MRPL45: variants seen among roughly 807,000 people sequenced by gnomAD.
The protein encoded by MRPL45 is mitochondrial ribosomal protein L45.
MRPL45 carries 20 observed loss-of-function variants against 38.1 expected under a neutral mutation model. The observed-to-expected ratio is 0.53, with a 90% CI of 0.37 to 0.76. The LOEUF (loss-of-function observed/expected upper bound fraction) is 0.76, where lower values mean the gene tolerates loss of function less well. Ranked by LOEUF, MRPL45 falls within the 30% of genes least tolerant of loss-of-function variation. The pLI, the probability that MRPL45 is intolerant of heterozygous loss-of-function variation, is 0.00. For missense variants in MRPL45, 337 were observed against 395.6 expected, an observed-to-expected ratio of 0.85 and a Z score of 1.26; for synonymous variants, 105 against 128.8, an observed-to-expected ratio of 0.82 and a Z score of 1.25.
chr17:38,306,351 G>A (rs2037053897), intron 3 of MRPL45, among the ~76,000 whole-genome samples, 182 bp from the exon 4 acceptor site: 1 of 151,362 alleles, frequency 6.6e-6, no homozygotes, highest in Non-Finnish European at 1.5e-5. Flanking sequence ...AGAGCTTGCA[G>A]TGAGCCGAGA....
In MRPL45 at chr17:38,322,639, C is replaced by CTGGA. The variant is rs2037243609; in HGVS notation, c.*45_*48dup. ...GGGTGAAGCCTGGGTGATGAGGCTGCTGGAAGCTTTGAAGTCTCCCATTCC... is the reference window on the plus strand; with the variant it reads ...GGGTGAAGCCTGGGTGATGAGGCTGCTGGATGGAAGCTTTGAAGTCTCCCATTCC... On this transcript the variant is annotated 3_prime_UTR_variant, in exon 8 of 8. Coordinates refer to ENST00000613675, the MANE Select transcript of MRPL45 (RefSeq NM_032351.6). The CTGGA allele has an allele frequency of 6.6e-7, 1 of 1,505,010 alleles. No homozygotes were observed. The highest frequency in any genetic ancestry group is 9.2e-7 in the Non-Finnish European group (1 of 1,089,894). 93.2% of individuals were successfully genotyped at this position (1,505,010 alleles called of 1,614,324 possible). A position where few individuals can be genotyped will look rare whatever the true frequency, so the allele number is the denominator to read the frequency against.
chr17:38,311,323 G>C (rs888543323), intron 4 of MRPL45, among the ~76,000 whole-genome samples: 1 of 152,082 alleles, frequency 6.6e-6, no homozygotes, highest in Non-Finnish European at 1.5e-5. Context: ...TATAGGCTGT[G>C]GGGGGCCCTC....
intron 4 of MRPL45, among the ~76,000 whole-genome samples, chr17:38,314,499 G>A (rs2037155481): frequency 6.6e-6 from 1 of 152,106 alleles, no homozygotes. Context: ...ACCATATCGA[G>A]TTTTTTCTTT....
chr17:38,300,085 C>T (rs1265938484), intron 3 of MRPL45, among the ~76,000 whole-genome samples: 2 of 151,596 alleles, frequency 1.3e-5, no homozygotes, highest in Non-Finnish European at 2.9e-5. Flanking sequence ...GAGTTTCACT[C>T]TTAACTCACT....
At chr17:38,322,045 A>G (rs2037234519) in intron 6 of MRPL45, 81 bp from the exon 7 acceptor site, 2 of 1,387,398 alleles carry the variant, frequency 1.4e-6, no homozygotes, top group Non-Finnish European at 2.0e-6. Context: ...AAAAAAAAAA[A>G]GGTTGTATGG....
rs968259269 is a variant in MRPL45 at position 38,299,335 on chromosome 17, T to C, written c.245-16T>C. On this transcript the variant is annotated splice_polypyrimidine_tract_variant and intron_variant, in intron 2 of 7. Transcript: ENST00000613675. ...TCTTTCAACACTTTCTTAATTTTTT[T>C]CTTCCTTTATTACAGCTGGTATATT... 6.0e-6 allele frequency: 9 copies of C among 1,504,766 alleles called. No homozygotes were observed. Among genetic ancestry groups the C allele is most frequent in the Non-Finnish European group, 8.1e-6 (9 of 1,110,680 alleles). The allele number at this position is 1,504,766 out of a possible 1,614,324, so 93.2% of individuals were successfully genotyped here. A position where few individuals can be genotyped will look rare whatever the true frequency, so the allele number is the denominator to read the frequency against.
At chr17:38,303,257 T>G (rs1456563971) in intron 3 of MRPL45, among the ~76,000 whole-genome samples, 4 of 151,894 alleles carry the variant, frequency 2.6e-5, no homozygotes, top group Non-Finnish European at 5.9e-5. Flanking sequence ...CTATGGGTTA[T>G]GTAATTTCCT....
intron 6 of MRPL45, 93 bp from the exon 7 acceptor site, chr17:38,322,031 CAA>C (rs747640334): frequency 0.01 from 10,455 of 1,037,580 alleles, no homozygotes; most frequent in South Asian, 0.015. Flanking sequence ...GACTCTGTCT[CAA>C]AAAAAAAAAA....
chr17:38,308,830 C>T (rs1218702494), intron 4 of MRPL45, among the ~76,000 whole-genome samples: 6 of 151,866 alleles, frequency 4.0e-5, no homozygotes, highest in South Asian at 2.1e-4. Context: ...CCCTCCTCAG[C>T]GTTACTGTTG....
intron 2 of MRPL45, 103 bp from the exon 3 acceptor site, chr17:38,299,248 C>G: frequency 1.4e-6 from 1 of 711,998 alleles, no homozygotes; most frequent in Non-Finnish European, 2.2e-6. Flanking sequence ...TTTCATTAGT[C>G]TACTTCATAT....
chr17:38,319,975 C>A (rs944454588), intron 5 of MRPL45, among the ~76,000 whole-genome samples: 1 of 152,110 alleles, frequency 6.6e-6, no homozygotes, highest in Admixed American at 6.6e-5. Context: ...TGGTGGCGGG[C>A]GCCAGTAGTC....
At chr17:38,298,785 T>C (rs1290237107) in intron 2 of MRPL45, among the ~76,000 whole-genome samples, 159 bp downstream of exon 2, 1 of 152,124 alleles carries the variant, frequency 6.6e-6, no homozygotes, top group African/African-American at 2.4e-5. Context: ...ATGAAGTTGT[T>C]CTTTGAACTT....
Position 38,300,776 on chromosome 17 carries a change from A to G in MRPL45, c.362+1308A>G, listed in dbSNP as rs142077628. 7.9e-3 allele frequency among the ~76,000 whole-genome samples: 1,198 copies of G among 152,122 alleles called. 17 individuals are homozygous for G. The highest frequency in any genetic ancestry group is 0.028 in the African/African-American group (1,142 of 41,498). On this transcript the variant is annotated intron_variant, in intron 3 of 7. Coordinates refer to ENST00000613675, the MANE Select transcript of MRPL45 (RefSeq NM_032351.6). Reference sequence around the variant, plus strand: ...AGCCCGACCAACATGGAGAAACCTCATCTCTACTAAAAATGCAAAATTAGC... The same window carrying G: ...AGCCCGACCAACATGGAGAAACCTCGTCTCTACTAAAAATGCAAAATTAGC...
chr17:38,310,572 A>G (rs938394244), intron 4 of MRPL45, among the ~76,000 whole-genome samples: 3 of 151,734 alleles, frequency 2.0e-5, no homozygotes, highest in Admixed American at 2.0e-4. Flanking sequence ...CAGGTGATTC[A>G]CCTGCCTCAG....
intron 1 of MRPL45, among the ~76,000 whole-genome samples, chr17:38,297,864 G>A (rs977260337): frequency 1.2e-4 from 18 of 152,198 alleles, no homozygotes; most frequent in Non-Finnish European, 1.8e-4. Flanking sequence ...TTGAAAGTCC[G>A]AGGCAGAAGG....
intron 6 of MRPL45, among the ~76,000 whole-genome samples, chr17:38,321,381 A>C (rs1192054920): frequency 6.6e-6 from 1 of 152,122 alleles, no homozygotes; most frequent in East Asian, 1.9e-4. Flanking sequence ...TTCCGAGATA[A>C]CTTTTTTTCT....
intron 4 of MRPL45, among the ~76,000 whole-genome samples, chr17:38,313,311 A>ATAT (rs1555561978): frequency 7.6e-4 from 6 of 7,860 alleles, no homozygotes; most frequent in African/African-American, 2.5e-3. Context: ...AAAAAAAAAA[A>ATAT]ATATATATAT....
rs1450439279 is a variant in MRPL45 at position 38,313,366 on chromosome 17, ACG to A, written c.462-5320_462-5319del. Among the ~76,000 whole-genome samples, 20 of 22,076 alleles carry A rather than the reference ACG, an allele frequency of 9.1e-4. 1 individual carries two copies. Among genetic ancestry groups the A allele is most frequent in the African/African-American group, 3.3e-3 (18 of 5,410 alleles). 14.5% of individuals were successfully genotyped at this position (22,076 alleles called of 152,430 possible). ...TATATACGTATATATATATATATATACGTATATATATATATATACATATATAT... is the reference window on the plus strand; with the variant it reads ...TATATACGTATATATATATATATATATATATATATATATATACATATATAT... On this transcript the variant is annotated intron_variant, in intron 4 of 7. Coordinates refer to ENST00000613675, the MANE Select transcript of MRPL45 (RefSeq NM_032351.6).
chr17:38,318,999 T>C (rs1244969284), intron 5 of MRPL45, among the ~76,000 whole-genome samples: 1 of 51,402 alleles, frequency 1.9e-5, no homozygotes, highest in Admixed American at 2.0e-4. Context: ...AGCTAATTTT[T>C]TATTTATTTA....
Sources: allele counts gnomAD v4.1 joint callset (sites outside exome capture counted in the v4.1 genomes callset), GRCh38; gene constraint gnomAD v4.1.1; transcripts MANE v1.5; gene names NCBI Gene and HGNC (gene_info 2026-07-23, HGNC 2026-07-21).